The following SRD5A1 variants were observed in gnomAD, a reference collection of about 807,000 sequenced individuals.
SRD5A1 encodes 3-oxo-5-alpha-steroid 4-dehydrogenase 1.
Under a neutral mutation model 28.2 loss-of-function variants are expected in SRD5A1, and 22 were observed. That is an observed-to-expected ratio of 0.78 (90% CI 0.56 to 1.12). The LOEUF is 1.12. Ranked by LOEUF, SRD5A1 falls within the 50% of genes most tolerant of loss-of-function variation. The pLI, the probability that SRD5A1 is intolerant of heterozygous loss-of-function variation, is 0.00. For synonymous variants in SRD5A1, 151 were observed against 135.0 expected (o/e 1.12, Z -0.82); for missense variants, 300 against 346.7 (o/e 0.87, Z 1.07).
intron 1 of SRD5A1, among the ~76,000 whole-genome samples, chr5:6,649,775 C>T (rs1344204378): frequency 1.3e-5 from 2 of 152,308 alleles, no homozygotes; most frequent in African/African-American, 4.8e-5. Flanking sequence ...CACTGTCCAA[C>T]CAGTCCCAGT....
chr5:6,646,374 T>G (rs1049407735), intron 1 of SRD5A1, among the ~76,000 whole-genome samples: 1 of 152,196 alleles, frequency 6.6e-6, no homozygotes, highest in African/African-American at 2.4e-5. Flanking sequence ...ACGGGATTGC[T>G]GGGGCAAATG....
At chr5:6,639,936 A>G (rs7720479) in intron 1 of SRD5A1, among the ~76,000 whole-genome samples, 51,994 of 152,132 alleles carry the variant, frequency 0.34, 9,115 homozygotes, top group Middle Eastern at 0.42. Context: ...GCTTTTAATA[A>G]GTTTTTTTCT....
chr5:6,635,790 C>T (rs542821143), intron 1 of SRD5A1, among the ~76,000 whole-genome samples: 3 of 152,302 alleles, frequency 2.0e-5, no homozygotes, highest in African/African-American at 7.2e-5. Flanking sequence ...GCCTGACATC[C>T]CAAGTGGAAG....
At chr5:6,662,595 A>G (rs540401518) in intron 3 of SRD5A1, among the ~76,000 whole-genome samples, 1 of 152,232 alleles carries the variant, frequency 6.6e-6, no homozygotes. Flanking sequence ...GTGTATTCAC[A>G]TAGACAGGTA....
intron 1 of SRD5A1, among the ~76,000 whole-genome samples, chr5:6,635,556 C>G (rs1399388296): frequency 1.3e-5 from 2 of 152,176 alleles, no homozygotes; most frequent in African/African-American, 2.4e-5. Flanking sequence ...TGATGGAACC[C>G]CCCTGTGGGA....
intron 1 of SRD5A1, chr5:6,644,927 C>G (rs1326204220): frequency 2.2e-6 from 1 of 456,002 alleles, no homozygotes; most frequent in Non-Finnish European, 4.4e-6. Context: ...TGCTGGGATT[C>G]GTTGTTCTTA....
intron 1 of SRD5A1, among the ~76,000 whole-genome samples, chr5:6,650,157 A>G (rs1222905962): frequency 1.7e-4 from 26 of 152,146 alleles, no homozygotes; most frequent in Admixed American, 1.7e-3. Context: ...GGTTGTTCAT[A>G]ATAGTTCCTT....
intron 4 of SRD5A1, among the ~76,000 whole-genome samples, chr5:6,666,278 G>A (rs886763519): frequency 1.3e-5 from 2 of 151,982 alleles, no homozygotes; most frequent in Non-Finnish European, 2.9e-5. Flanking sequence ...CTCCTGAGTA[G>A]CTGGGACTAC....
intron 2 of SRD5A1, among the ~76,000 whole-genome samples, chr5:6,654,059 ATAT>A (rs1309731468): frequency 2.1e-5 from 3 of 142,016 alleles, no homozygotes; most frequent in African/African-American, 8.3e-5. Context: ...TAATAATAAT[ATAT>A]TTTTTTTTTT....
intron 3 of SRD5A1, among the ~76,000 whole-genome samples, chr5:6,659,342 T>C (rs912094120): frequency 2.0e-5 from 3 of 152,126 alleles, no homozygotes; most frequent in South Asian, 2.1e-4. Flanking sequence ...CTCGATCTCC[T>C]GACCTCGTGA....
At chr5:6,665,742 G>T (rs1739152851) in intron 4 of SRD5A1, among the ~76,000 whole-genome samples, 1 of 152,180 alleles carries the variant, frequency 6.6e-6, no homozygotes, top group African/African-American at 2.4e-5. Flanking sequence ...CACCAAGTCA[G>T]TGGCAAAGAT....
rs1739056617 is a variant in SRD5A1, at chr5:6,662,968, T to C, written c.713+2T>C. 6 of 1,613,914 alleles carry C rather than the reference T, an allele frequency of 3.7e-6. No individual in the cohort carries two copies. The highest frequency in any genetic ancestry group is 5.1e-6 in the Non-Finnish European group (6 of 1,179,968). Reference sequence around the variant, plus strand: ...TGGTAGAGCAAAAGAGCATCATGAGTAAGTTTTAAAACACTTTTACCATTT... The same window carrying C: ...TGGTAGAGCAAAAGAGCATCATGAGCAAGTTTTAAAACACTTTTACCATTT... On this transcript the variant is annotated splice_donor_variant, in intron 4 of 4. Transcript: ENST00000274192. LOFTEE classifies it high-confidence loss of function.
At chr5:6,646,973 G>C (rs1048454931) in intron 1 of SRD5A1, among the ~76,000 whole-genome samples, 3 of 152,140 alleles carry the variant, frequency 2.0e-5, no homozygotes, top group African/African-American at 7.2e-5. Flanking sequence ...CTGGTATGTT[G>C]TATCTTTGTT....
intron 4 of SRD5A1, among the ~76,000 whole-genome samples, chr5:6,665,333 A>G (rs1299085629): frequency 6.6e-6 from 1 of 152,138 alleles, no homozygotes; most frequent in Non-Finnish European, 1.5e-5. Context: ...ATTATAAGCC[A>G]CCCAGTGTGT....
At chr5:6,667,343 G>A (rs1444764869) in intron 4 of SRD5A1, among the ~76,000 whole-genome samples, 5 of 152,176 alleles carry the variant, frequency 3.3e-5, no homozygotes, top group East Asian at 1.9e-4. Context: ...CAGTATGTTC[G>A]AATTCTCTAT....
At chr5:6,658,887 G>A (rs189478822) in intron 3 of SRD5A1, among the ~76,000 whole-genome samples, 1 of 152,072 alleles carries the variant, frequency 6.6e-6, no homozygotes, top group East Asian at 1.9e-4. Context: ...TGAGGCAGGA[G>A]GATCACTTGA....
rs1325016806 is a variant in SRD5A1 at position 6,670,276 on chromosome 5, C to T, written c.*2008C>T. The T allele has an allele frequency of 2.0e-5, 3 of 152,350 alleles. No individual in the cohort carries two copies. Among genetic ancestry groups the T allele is most frequent in the South Asian group, 2.1e-4 (1 of 4,828 alleles). The allele number at this position is 152,350 out of a possible 1,614,324, so 9.4% of individuals were successfully genotyped here. A position where few individuals can be genotyped will look rare whatever the true frequency, so the allele number is the denominator to read the frequency against. Reference sequence around the variant, plus strand: ...GATCCTGCCCCATAATGGCTGGTTACCTCCTGCCTCAAGCTGCAGGGAAGC... The same window carrying T: ...GATCCTGCCCCATAATGGCTGGTTATCTCCTGCCTCAAGCTGCAGGGAAGC... On this transcript the variant is annotated 3_prime_UTR_variant, in exon 5 of 5. Coordinates refer to ENST00000274192, the MANE Select transcript of SRD5A1 (RefSeq NM_001047.4).
chr5:6,647,478 T>TA, intron 1 of SRD5A1, among the ~76,000 whole-genome samples: 1 of 152,232 alleles, frequency 6.6e-6, no homozygotes, highest in East Asian at 1.9e-4. Context: ...GGTGCATATA[T>TA]ATCTAGGATA....
At chr5:6,653,813 G>A (rs1738755425) in intron 2 of SRD5A1, among the ~76,000 whole-genome samples, 1 of 152,002 alleles carries the variant, frequency 6.6e-6, no homozygotes, top group African/African-American at 2.4e-5. Context: ...AGAGGTGACT[G>A]TGAAGCTGGT....
Sources: gnomAD v4.1 joint callset for allele counts (sites outside exome capture counted in the v4.1 genomes callset) on GRCh38, gnomAD v4.1.1 for gene constraint, MANE v1.5 for transcripts, NCBI Gene and HGNC (gene_info 2026-07-23, HGNC 2026-07-21) for gene names.